Variants in GNB1 observed in about 807,000 individuals in gnomAD.
GNB1 encodes the protein G protein subunit beta 1.
In GNB1, 2 loss-of-function variants were observed where a neutral mutation model predicts 42.9. The observed-to-expected ratio is 0.05, with a 90% CI of 0.02 to 0.15. The LOEUF is 0.15. Ranked by LOEUF, GNB1 falls within the 10% of genes least tolerant of loss-of-function variation. The pLI is 1.00. For missense variants in GNB1, 193 were observed against 462.2 expected (o/e 0.42, Z 5.34); for synonymous variants, 183 against 174.7 (o/e 1.05, Z -0.38).
chr1:1,835,392 T>C (rs570203305), intron 2 of GNB1, among the ~76,000 whole-genome samples: 4 of 152,224 alleles, frequency 2.6e-5, no homozygotes, highest in Non-Finnish European at 5.9e-5. Flanking sequence ...CCACAGCTCA[T>C]GCTATGACAA....
intron 6 of GNB1, among the ~76,000 whole-genome samples, chr1:1,805,428 T>A (rs1231462553): frequency 6.6e-6 from 1 of 151,538 alleles, no homozygotes; most frequent in Non-Finnish European, 1.5e-5. Context: ...GCCACTGCAC[T>A]CCAGCCAGGG....
intron 1 of GNB1, among the ~76,000 whole-genome samples, chr1:1,876,656 C>T (rs1032668543): frequency 2.0e-5 from 3 of 152,178 alleles, no homozygotes; most frequent in African/African-American, 7.2e-5. Flanking sequence ...CATAAGCCAC[C>T]ACACCCAGTC....
At chr1:1,839,506 C>T (rs1647195764) in intron 1 of GNB1, 1 of 152,052 alleles carries the variant, frequency 6.6e-6, no homozygotes, top group Non-Finnish European at 1.5e-5. Context: ...AAAGTATGGG[C>T]ACAGAGGTTA....
chr1:1,880,174 C>A (rs1195904051), intron 1 of GNB1, among the ~76,000 whole-genome samples: 5 of 152,190 alleles, frequency 3.3e-5, no homozygotes, highest in Non-Finnish European at 7.3e-5. Context: ...CTCAAGTGAT[C>A]CTCCTGCCTC....
At chr1:1,799,334 C>T (rs1646592827) in intron 7 of GNB1, among the ~76,000 whole-genome samples, 1 of 152,162 alleles carries the variant, frequency 6.6e-6, no homozygotes, top group Admixed American at 6.5e-5. Context: ...AATATTCCTA[C>T]TAATACCAGT....
At chr1:1,842,298 C>T (rs1271187269) in intron 1 of GNB1, among the ~76,000 whole-genome samples, 2 of 152,054 alleles carry the variant, frequency 1.3e-5, no homozygotes, top group Admixed American at 6.6e-5. Flanking sequence ...GGCATGGTGG[C>T]GGGCGTCTGT....
intron 1 of GNB1, among the ~76,000 whole-genome samples, chr1:1,852,647 G>A (rs908577165): frequency 1.3e-5 from 2 of 151,268 alleles, no homozygotes; most frequent in South Asian, 4.2e-4. Context: ...GCGAGCCACT[G>A]TATGTCAGCC....
At chr1:1,878,624 G>A (rs375784821) in intron 1 of GNB1, among the ~76,000 whole-genome samples, 3 of 152,154 alleles carry the variant, frequency 2.0e-5, no homozygotes, top group Admixed American at 6.6e-5. Flanking sequence ...TTCCACTGTC[G>A]CATAGGTAAC....
Position 1,790,431 on chromosome 1 carries a change from G to A in GNB1, c.663C>T (p.Thr221=). Residue 221 remains threonine, a synonymous_variant, in exon 9 of 12, where the codon ACC becomes ACT. Coordinates refer to ENST00000378609, the MANE Select transcript of GNB1 (RefSeq NM_002074.5). The surrounding 1 kb of genome is among the most constrained non-coding windows in gnomAD (Gnocchi z 5.4). ...TGATGTCAGACTCGTGGCCAGTGAAGGTCTGCCGGCACATGCCTTCTCGCA... is the reference window on the plus strand; with the variant it reads ...TGATGTCAGACTCGTGGCCAGTGAAAGTCTGCCGGCACATGCCTTCTCGCA... The part of the protein sequence containing the change: ...WDVREGMCRQ[T]FTGHESDINA... The A allele has an allele frequency of 1.2e-6, 2 of 1,614,018 alleles. No homozygotes were observed. The highest frequency in any genetic ancestry group is 3.3e-4 in the Middle Eastern group (2 of 6,062).
rs1646404808 is a variant in GNB1 at position 1,786,231 on chromosome 1, C to G, written c.*832G>C. 2.5e-6 allele frequency: 1 copy of G among 395,856 alleles called. No homozygotes were observed. Among genetic ancestry groups the G allele is most frequent in the Non-Finnish European group, 4.5e-6 (1 of 224,712 alleles). 24.5% of individuals were successfully genotyped at this position (395,856 alleles called of 1,614,324 possible). ...TGGGGTAGTGTTAGGCTATTATAAA[C>G]TTCCCTCCAACTTCACAAGGAAACC... On this transcript the variant is annotated 3_prime_UTR_variant, in exon 12 of 12. Coordinates refer to ENST00000378609, the MANE Select transcript of GNB1 (RefSeq NM_002074.5).
intron 10 of GNB1, 173 bp downstream of exon 10, chr1:1,788,880 C>T (rs1255786034): frequency 1.7e-6 from 1 of 589,188 alleles, no homozygotes; most frequent in Non-Finnish European, 3.1e-6. Flanking sequence ...CCTCGGAGTC[C>T]ACTTGCCTGG....
At chr1:1,889,753 CAAG>C (rs1233808078) in intron 1 of GNB1, among the ~76,000 whole-genome samples, 1 of 151,426 alleles carries the variant, frequency 6.6e-6, no homozygotes, top group South Asian at 2.1e-4. Flanking sequence ...TTAACGGACA[CAAG>C]AAATGTTAAA....
At chr1:1,860,585 C>T (rs1648566365) in intron 1 of GNB1, among the ~76,000 whole-genome samples, 3 of 149,460 alleles carry the variant, frequency 2.0e-5, no homozygotes, top group Non-Finnish European at 4.4e-5. Context: ...TGCAGCGAGC[C>T]GAGATCACGC....
intron 6 of GNB1, among the ~76,000 whole-genome samples, chr1:1,805,439 C>T (rs1156740664): frequency 2.6e-5 from 4 of 151,928 alleles, no homozygotes; most frequent in Admixed American, 6.6e-5. Flanking sequence ...CCAGCCAGGG[C>T]GGTAAGAGCA....
chr1:1,876,521 G>A lies in GNB1; in HGVS notation c.-96+14299C>T, dbSNP rs1014428534. Among the ~76,000 whole-genome samples the A allele has an allele frequency of 4.6e-5, 7 of 152,226 alleles. 1 individual carries two copies. The South Asian group carries it at 1.4e-3, about 32-fold the overall frequency. On this transcript the variant is annotated intron_variant, in intron 1 of 11. Coordinates refer to ENST00000378609, the MANE Select transcript of GNB1 (RefSeq NM_002074.5). The stretch of plus-strand genomic sequence containing the variant: ...AGAGAGAGAGAGAGAGAGAGCGAGC[G>A]TGCATGGCCACGTGCACGAGCCAGT...
chr1:1,795,972 C>T (rs1434140512), intron 7 of GNB1, among the ~76,000 whole-genome samples: 1 of 152,158 alleles, frequency 6.6e-6, no homozygotes, highest in Non-Finnish European at 1.5e-5. Context: ...ATGTATAAGC[C>T]ACACATGGCC....
At chr1:1,876,556 C>G (rs1649559363) in intron 1 of GNB1, among the ~76,000 whole-genome samples, 2 of 151,884 alleles carry the variant, frequency 1.3e-5, no homozygotes, top group South Asian at 4.1e-4. Context: ...TGAGCAAGCG[C>G]ACACACATGC....
At chr1:1,807,653 C>T (rs933123241) in intron 5 of GNB1, among the ~76,000 whole-genome samples, 1 of 151,910 alleles carries the variant, frequency 6.6e-6, no homozygotes, top group Non-Finnish European at 1.5e-5. Context: ...TAAACAACAG[C>T]ACCACTGCGC....
Position 1,880,592 on chromosome 1 carries a change from A to AT in GNB1, c.-96+10227_-96+10228insA, listed in dbSNP as rs1336651647. ...CAGAGAGAGACTCCATCTCAAAAAA[A>AT]AAATATATATATATATGATGATGAA... On this transcript the variant is annotated intron_variant, in intron 1 of 11. Coordinates refer to ENST00000378609, the MANE Select transcript of GNB1 (RefSeq NM_002074.5). Among the ~76,000 whole-genome samples, 18 of 151,384 alleles carry AT rather than the reference A, an allele frequency of 1.2e-4. 1 individual carries two copies. Among genetic ancestry groups the AT allele is most frequent in the African/African-American group, 3.9e-4 (16 of 41,470 alleles).
Sources: gnomAD v4.1 joint callset for allele counts (sites outside exome capture counted in the v4.1 genomes callset) on GRCh38, gnomAD v4.1.1 for gene constraint, Gnocchi (gnomAD v3.1) non-coding constraint, MANE v1.5 for transcripts, NCBI Gene and HGNC (gene_info 2026-07-23, HGNC 2026-07-21) for gene names.